SEPTIN7: variants seen among roughly 807,000 people sequenced by gnomAD.
The protein encoded by SEPTIN7 is septin-7.
In SEPTIN7, 10 loss-of-function variants were observed where a neutral mutation model predicts 63.3. The ratio of observed to expected loss-of-function variants is 0.16; its 90% CI spans 0.10 to 0.27. The LOEUF (loss-of-function observed/expected upper bound fraction) is 0.27. Ranked by LOEUF, SEPTIN7 falls within the 10% of genes least tolerant of loss-of-function variation. The pLI, the probability that SEPTIN7 is intolerant of heterozygous loss-of-function variation, is 1.00. For missense variants in SEPTIN7, 310 were observed against 521.0 expected, an observed-to-expected ratio of 0.59 and a Z score of 3.94; for synonymous variants, 131 against 165.3, an observed-to-expected ratio of 0.79 and a Z score of 1.59.
At chr7:35,853,792 G>C (rs1356642061) in intron 3 of SEPTIN7, among the ~76,000 whole-genome samples, 1 of 152,196 alleles carries the variant, frequency 6.6e-6, no homozygotes, top group Non-Finnish European at 1.5e-5. Flanking sequence ...TGGTTAACCA[G>C]ATTGGAAGGT....
chr7:35,808,052 C>T (rs757846549), intron 1 of SEPTIN7, among the ~76,000 whole-genome samples: 17 of 150,674 alleles, frequency 1.1e-4, no homozygotes, highest in East Asian at 2.0e-4. Context: ...CTCCTGACCT[C>T]GTGATCTGCC....
At chr7:35,871,753 G>A (rs1481148059) in intron 4 of SEPTIN7, among the ~76,000 whole-genome samples, 1 of 152,110 alleles carries the variant, frequency 6.6e-6, no homozygotes, top group Non-Finnish European at 1.5e-5. Context: ...GCCTTAATAA[G>A]GACTTGTTAT....
intron 3 of SEPTIN7, among the ~76,000 whole-genome samples, chr7:35,855,159 A>G (rs1401107812): frequency 2.6e-5 from 4 of 152,212 alleles, no homozygotes; most frequent in South Asian, 2.1e-4. Flanking sequence ...AAACAGTACC[A>G]TGCTATAAGT....
At chr7:35,837,536 C>T (rs1784139980) in intron 3 of SEPTIN7, among the ~76,000 whole-genome samples, 1 of 151,988 alleles carries the variant, frequency 6.6e-6, no homozygotes, top group African/African-American at 2.4e-5. Flanking sequence ...GTTTGAATTG[C>T]TGTTAAGATT....
intron 1 of SEPTIN7, among the ~76,000 whole-genome samples, chr7:35,827,542 G>A (rs1304650109): frequency 6.6e-6 from 1 of 152,114 alleles, no homozygotes; most frequent in Non-Finnish European, 1.5e-5. Flanking sequence ...CCAGGTTGGA[G>A]TGCAGTGGCG....
intron 3 of SEPTIN7, among the ~76,000 whole-genome samples, chr7:35,852,332 A>C (rs939129480): frequency 9.2e-5 from 14 of 152,310 alleles, no homozygotes; most frequent in Non-Finnish European, 1.5e-4. Flanking sequence ...TTTAAGCTCT[A>C]ATGGACTACT....
chr7:35,859,277 G>C (rs1369908385), intron 3 of SEPTIN7, among the ~76,000 whole-genome samples: 2 of 152,048 alleles, frequency 1.3e-5, no homozygotes, highest in Admixed American at 1.3e-4. Flanking sequence ...ATAAGAATAT[G>C]TTGTTAGATT....
At chr7:35,826,088 A>C (rs1257614013) in intron 1 of SEPTIN7, among the ~76,000 whole-genome samples, 1 of 152,040 alleles carries the variant, frequency 6.6e-6, no homozygotes, top group Non-Finnish European at 1.5e-5. Flanking sequence ...TTAAATCTAG[A>C]ATCTAGGCAT....
chr7:35,877,370 A>G (rs1026982726), intron 6 of SEPTIN7, among the ~76,000 whole-genome samples: 1 of 152,152 alleles, frequency 6.6e-6, no homozygotes, highest in Non-Finnish European at 1.5e-5. Flanking sequence ...TTACTACTAC[A>G]GTAAAGTATA....
intron 3 of SEPTIN7, among the ~76,000 whole-genome samples, chr7:35,851,217 A>G (rs1784942618): frequency 6.6e-6 from 1 of 152,176 alleles, no homozygotes. Context: ...AGGTTGAAGT[A>G]CATGTGTTGT....
chr7:35,913,257 A>C, the SEPTIN7 span, among the ~76,000 whole-genome samples: 1 of 152,168 alleles, frequency 6.6e-6, no homozygotes, highest in Non-Finnish European at 1.5e-5. Flanking sequence ...GGCCTCCAGA[A>C]TTTGCTCCAG....
intron 12 of SEPTIN7, chr7:35,902,820 C>T: frequency 2.7e-6 from 1 of 366,342 alleles, no homozygotes; most frequent in Non-Finnish European, 4.6e-6. Flanking sequence ...ATAAAGTACT[C>T]CACACTGTTA....
At chr7:35,876,265 CTTG>C (rs141409144) in intron 6 of SEPTIN7, among the ~76,000 whole-genome samples, 2,683 of 151,988 alleles carry the variant, frequency 0.018, 71 homozygotes, top group African/African-American at 0.061. Context: ...AATATAAAAT[CTTG>C]TTATTTGGAT....
intron 10 of SEPTIN7, among the ~76,000 whole-genome samples, chr7:35,890,098 A>G (rs1292924532): frequency 1.3e-5 from 2 of 152,210 alleles, no homozygotes; most frequent in African/African-American, 4.8e-5. Context: ...GTAGACTTAT[A>G]TATATTGATT....
intron 9 of SEPTIN7, among the ~76,000 whole-genome samples, chr7:35,884,730 A>G (rs1332905739): frequency 1.3e-5 from 2 of 152,168 alleles, no homozygotes; most frequent in Non-Finnish European, 2.9e-5. Flanking sequence ...TTGATATCTC[A>G]TATTTAGAGT....
At chr7:35,816,890 T>G (rs1350020934) in intron 1 of SEPTIN7, among the ~76,000 whole-genome samples, 1 of 152,178 alleles carries the variant, frequency 6.6e-6, no homozygotes, top group African/African-American at 2.4e-5. Context: ...TAAAATGCTT[T>G]GCTGAGTTTT....
chr7:35,810,756 GTAATGAGT>G (rs1404761165), intron 1 of SEPTIN7, among the ~76,000 whole-genome samples: 1 of 151,570 alleles, frequency 6.6e-6, no homozygotes, highest in African/African-American at 2.4e-5. Context: ...CATTCAGATT[GTAATGAGT>G]TAATGAGTTT....
At chr7:35,864,732 ATTAAAAATATTGTTGGTGAGCTCTGCT>A (rs1785709162) in intron 4 of SEPTIN7, among the ~76,000 whole-genome samples, 1 of 152,146 alleles carries the variant, frequency 6.6e-6, no homozygotes, top group African/African-American at 2.4e-5. Flanking sequence ...TAAACTGTTG[ATTAAAAATATTGTTGGTGAGCTCTGCT>A]TATGTGATAT....
chr7:35,835,161 T>C (rs1583531338), intron 3 of SEPTIN7, among the ~76,000 whole-genome samples: 1 of 152,288 alleles, frequency 6.6e-6, no homozygotes, highest in South Asian at 2.1e-4. Flanking sequence ...TATGAGTCAG[T>C]AGAATCATAC....
Sources: allele counts gnomAD v4.1 joint callset (sites outside exome capture counted in the v4.1 genomes callset), GRCh38; gene constraint gnomAD v4.1.1; transcripts MANE v1.5; gene names NCBI Gene and HGNC (gene_info 2026-07-23, HGNC 2026-07-21).